SELENOO: variants seen among roughly 807,000 people sequenced by gnomAD.
The protein encoded by SELENOO is protein adenylyltransferase SelO, mitochondrial.
Under a neutral mutation model 58.7 loss-of-function variants are expected in SELENOO, and 74 were observed. The ratio of observed to expected loss-of-function variants is 1.26; its 90% CI spans 1.04 to 1.53. SELENOO has a LOEUF of 1.53. Among genes scored for constraint, SELENOO ranks in the 40% most tolerant of loss-of-function variants. The pLI, the probability that SELENOO is intolerant of heterozygous loss-of-function variation, is 0.00. For synonymous variants in SELENOO, 543 were observed against 453.2 expected, an observed-to-expected ratio of 1.20 and a Z score of -2.52; for missense variants, 1,149 against 970.0, an observed-to-expected ratio of 1.18 and a Z score of -2.45.
intron 2 of SELENOO, 48 bp from the exon 3 acceptor site, chr22:50,208,488 G>A (rs2064346893): frequency 3.2e-6 from 5 of 1,551,864 alleles, no homozygotes; most frequent in Non-Finnish European, 4.4e-6. Context: ...TTTTCACAAG[G>A]GGCTGGGGTC....
rs1271292715 is a variant in SELENOO at position 50,201,055 on chromosome 22, G to T, written c.19G>T (p.Ala7Ser). The change falls in exon 1 of 9, where the codon GCG becomes TCG. Residue 7 changes from alanine (A) to serine (S), a missense_variant. By Grantham distance (99) the Ala-to-Ser change is moderately conservative. Transcript: ENST00000380903. ...GCCGCGGATGGCCGTATACAGGGCA[G>T]CGCTCGGGGCTTCGCTCGCGGCTGC... MAVYRA[A>S]LGASLAAARL... is the part of the protein sequence containing the mutation. 2 of 1,348,726 alleles carry T rather than the reference G, an allele frequency of 1.5e-6. No homozygotes were observed. The highest frequency in any genetic ancestry group is 3.7e-5 in the South Asian group (2 of 54,792). 83.5% of individuals were successfully genotyped at this position (1,348,726 alleles called of 1,614,324 possible).
At chr22:50,211,035 AC>A in intron 5 of SELENOO, 124 bp downstream of exon 5, 1 of 968,980 alleles carries the variant, frequency 1.0e-6, no homozygotes, top group Non-Finnish European at 1.6e-6. Flanking sequence ...CAGCCCTGGC[AC>A]CCCCATTCTA....
chr22:50,210,178 C>T lies in SELENOO; in HGVS notation c.940-3C>T, dbSNP rs768702222. On this transcript the variant is annotated splice_region_variant and splice_polypyrimidine_tract_variant and intron_variant, in intron 3 of 8. Coordinates refer to ENST00000380903, the MANE Select transcript of SELENOO (RefSeq NM_031454.2). ...AGGGAGCAAGCACACTGTCCCACCC[C>T]AGGTGACGCGGCGCACGGCGCGGAT... The T allele has an allele frequency of 4.3e-6, 7 of 1,612,746 alleles. No individual in the cohort carries two copies. Among genetic ancestry groups the T allele is most frequent in the Non-Finnish European group, 5.9e-6 (7 of 1,179,630 alleles).
At chr22:50,216,641 G>A in intron 6 of SELENOO, 50 bp from the exon 7 acceptor site, 1 of 1,504,668 alleles carries the variant, frequency 6.6e-7, no homozygotes. Flanking sequence ...TGCCTGCAGG[G>A]CAGGGACACG....
In SELENOO at chr22:50,217,493, T is replaced by C. The variant is rs2064431658; in HGVS notation, c.*124T>C. On this transcript the variant is annotated 3_prime_UTR_variant, in exon 9 of 9. Transcript: ENST00000380903. ...CTGCCCTGGCCCATGCACACCCGTC[T>C]TTCCATGATGGCAGAGACATCCAGT... The C allele has an allele frequency of 8.0e-7, 1 of 1,243,622 alleles. No homozygotes were observed. Among genetic ancestry groups the C allele is most frequent in the South Asian group, 1.4e-5 (1 of 72,210 alleles). 77.0% of individuals were successfully genotyped at this position (1,243,622 alleles called of 1,614,324 possible).
intron 2 of SELENOO, 32 bp from the exon 3 acceptor site, chr22:50,208,504 T>A: frequency 6.2e-7 from 1 of 1,602,936 alleles, no homozygotes; most frequent in South Asian, 1.1e-5. Flanking sequence ...GGGTCAGGTT[T>A]GGGCTGTTGA....
rs749685678 is a variant in SELENOO, at chr22:50,217,298, G to A, written c.1939G>A (p.Gly647Ser). 2.2e-5 allele frequency: 36 copies of A among 1,612,618 alleles called. No individual in the cohort carries two copies. Among genetic ancestry groups the A allele is most frequent in the South Asian group, 5.5e-5 (5 of 91,090 alleles). The stretch of plus-strand genomic sequence containing the variant: ...GGCCACGGAAGCCGACGGGGCGGAC[G>A]GCAGGCAGCGCTCCTACAGCAGTAA... ...AEATEADGADGRQRSYSSKPP... is the reference protein window; with the variant it reads ...AEATEADGADSRQRSYSSKPP... The change falls in exon 9 of 9, where the codon GGC (glycine) becomes AGC (serine). Residue 647 changes from glycine to serine, a missense_variant. Physicochemically the swap from Gly to Ser is moderately conservative, Grantham distance 56. Coordinates refer to ENST00000380903, the MANE Select transcript of SELENOO (RefSeq NM_031454.2).
intron 1 of SELENOO, among the ~76,000 whole-genome samples, chr22:50,201,863 T>C (rs1017701598): frequency 9.2e-5 from 14 of 152,214 alleles, no homozygotes; most frequent in Non-Finnish European, 1.8e-4. Context: ...GAGGTTAGGC[T>C]AACCCTAACC....
rs745932209 is a variant in SELENOO, at chr22:50,208,552, A to AT, written c.780dup (p.Lys261Ter). On this transcript the variant is annotated frameshift_variant, in exon 3 of 9. Transcript: ENST00000380903. LOFTEE classifies it high-confidence loss of function. ...TCCCTCCAGGTTTGGATCCTTTGAG[A>AT]TTTTTAAGTCTGCAGATGAGCACAC... The AT allele has an allele frequency of 2.4e-5, 39 of 1,612,600 alleles. No homozygotes were observed. The highest frequency in any genetic ancestry group is 3.1e-5 in the Non-Finnish European group (37 of 1,179,468).
rs759210867 is a variant in SELENOO at position 50,217,404 on chromosome 22, C to T, written c.*35C>T. 4.6e-5 allele frequency: 74 copies of T among 1,605,066 alleles called. No individual in the cohort carries two copies. The highest frequency in any genetic ancestry group is 2.2e-4 in the East Asian group (10 of 44,690). ...CACGCTCCACACCCCTGGAGTCTCC[C>T]GAGGCCCCCATGTGCTGCTGAGTGG... On this transcript the variant is annotated 3_prime_UTR_variant, in exon 9 of 9. Coordinates refer to ENST00000380903, the MANE Select transcript of SELENOO (RefSeq NM_031454.2).
intron 3 of SELENOO, 128 bp from the exon 4 acceptor site, chr22:50,210,053 G>A (rs62239322): frequency 1.6e-5 from 18 of 1,116,290 alleles, no homozygotes; most frequent in East Asian, 1.4e-4. Flanking sequence ...CAGGAAGATC[G>A]CCCAGAAACT....
Position 50,217,087 on chromosome 22 carries a change from C to CAGAA in SELENOO, c.1805_1808dup (p.Asn603LysfsTer54). On this transcript the variant is annotated frameshift_variant, in exon 8 of 9. Coordinates refer to ENST00000380903, the MANE Select transcript of SELENOO (RefSeq NM_031454.2). LOFTEE classifies it low-confidence loss of function (END_TRUNC). ...GTACGTGCTGAGGAACTACATCGCG[C>CAGAA]AGAATGCCATCGAGGCTGCCGAGCG... 6.2e-7 allele frequency: 1 copy of CAGAA among 1,613,000 alleles called. No individual in the cohort carries two copies. Among genetic ancestry groups the CAGAA allele is most frequent in the Non-Finnish European group, 8.5e-7 (1 of 1,179,938 alleles).
chr22:50,206,113 C>G, intron 1 of SELENOO: 1 of 600,504 alleles, frequency 1.7e-6, no homozygotes, highest in Non-Finnish European at 3.0e-6. Context: ...GCTGTGCCGA[C>G]AACCTGCTGG....
chr22:50,206,771 C>T (rs865894849), intron 2 of SELENOO, among the ~76,000 whole-genome samples: 1 of 152,224 alleles, frequency 6.6e-6, no homozygotes. Flanking sequence ...AGCCCTCCCA[C>T]GTGCCCGGCC....
In SELENOO at chr22:50,217,118, A is replaced by ACTT. The variant is rs2064422578; in HGVS notation, c.1838_1840dup (p.Phe613dup). 1 of 1,612,934 alleles carries ACTT rather than the reference A, an allele frequency of 6.2e-7. No individual in the cohort carries two copies. Among genetic ancestry groups the ACTT allele is most frequent in the Non-Finnish European group, 8.5e-7 (1 of 1,179,870 alleles). ...GCCATCGAGGCTGCCGAGCGCGGGG[A>ACTT]CTTCTCAGAGGCAAGCACACGCCTG... On this transcript the variant is annotated inframe_insertion, in exon 8 of 9. Coordinates refer to ENST00000380903, the MANE Select transcript of SELENOO (RefSeq NM_031454.2).
At chr22:50,210,456 C>A in intron 4 of SELENOO, 145 bp downstream of exon 4, 2 of 1,357,340 alleles carry the variant, frequency 1.5e-6, no homozygotes, top group Non-Finnish European at 1.0e-6. Context: ...GTAGAGAGTC[C>A]AGGGCAATCC....
At chr22:50,204,841 G>T (rs1195091690) in intron 1 of SELENOO, among the ~76,000 whole-genome samples, 1 of 152,218 alleles carries the variant, frequency 6.6e-6, no homozygotes. Flanking sequence ...ATGGCCAAAA[G>T]GCAGAACAAG....
chr22:50,210,541 C>T, intron 4 of SELENOO, 90 bp from the exon 5 acceptor site: 9 of 1,578,502 alleles, frequency 5.7e-6, no homozygotes, highest in Non-Finnish European at 7.8e-6. Flanking sequence ...CACTTGGGAC[C>T]TTCCCCTGGG....
At chr22:50,201,992 C>T (rs1459043552) in intron 1 of SELENOO, among the ~76,000 whole-genome samples, 1 of 152,234 alleles carries the variant, frequency 6.6e-6, no homozygotes, top group Non-Finnish European at 1.5e-5. Context: ...TGCGGGCAGC[C>T]CTTTTTAACC....
Sources: gnomAD v4.1 joint callset for allele counts (sites outside exome capture counted in the v4.1 genomes callset) on GRCh38, gnomAD v4.1.1 for gene constraint, MANE v1.5 for transcripts, NCBI Gene and HGNC (gene_info 2026-07-23, HGNC 2026-07-21) for gene names.